PALLD: variants seen among roughly 807,000 people sequenced by gnomAD.
The protein encoded by PALLD is palladin.
Under a neutral mutation model 123.5 loss-of-function variants are expected in PALLD, and 61 were observed. That is an observed-to-expected ratio of 0.49 (90% CI 0.40 to 0.61). PALLD has a LOEUF of 0.61. PALLD is among the 20% of genes least tolerant of loss of function. The pLI, the probability that PALLD is intolerant of heterozygous loss-of-function variation, is 0.00. For missense variants in PALLD, 1,273 were observed against 1,377.0 expected (o/e 0.92, Z 1.20); for synonymous variants, 465 against 496.4 (o/e 0.94, Z 0.84).
At chr4:168,906,719 G>C (rs975927841) in intron 15 of PALLD, among the ~76,000 whole-genome samples, 16 of 152,048 alleles carry the variant, frequency 1.1e-4, no homozygotes, top group Admixed American at 9.2e-4. Flanking sequence ...AGAACTCTTG[G>C]GCTCAAGCAG....
chr4:168,615,710 G>A (rs1284975582), intron 2 of PALLD, among the ~76,000 whole-genome samples: 2 of 152,110 alleles, frequency 1.3e-5, no homozygotes, highest in Non-Finnish European at 2.9e-5. Context: ...AGCCAAGGGG[G>A]GTGCTTGTAA....
intron 10 of PALLD, among the ~76,000 whole-genome samples, chr4:168,759,040 G>A (rs961679709): frequency 6.0e-5 from 9 of 150,866 alleles, no homozygotes; most frequent in African/African-American, 1.7e-4. Context: ...TTAGCCAGGC[G>A]TGATAGCAGG....
intron 2 of PALLD, among the ~76,000 whole-genome samples, chr4:168,609,087 C>T (rs1290675031): frequency 6.6e-6 from 1 of 152,088 alleles, no homozygotes; most frequent in Non-Finnish European, 1.5e-5. Flanking sequence ...ATTTCAGCAG[C>T]AGGACTCAAA....
chr4:168,594,342 C>G (rs770063639), intron 2 of PALLD, among the ~76,000 whole-genome samples: 1 of 151,982 alleles, frequency 6.6e-6, no homozygotes, highest in Non-Finnish European at 1.5e-5. Context: ...TAAGCTTTAC[C>G]TTAGTCGCAA....
chr4:168,737,660 A>C (rs1787893481), intron 10 of PALLD, among the ~76,000 whole-genome samples: 2 of 152,130 alleles, frequency 1.3e-5, no homozygotes, highest in Non-Finnish European at 2.9e-5. Flanking sequence ...AAGGTGTGGC[A>C]GTTTTGTCAA....
At chr4:168,880,781 A>G (rs1173646780) in intron 10 of PALLD, among the ~76,000 whole-genome samples, 1 of 152,270 alleles carries the variant, frequency 6.6e-6, no homozygotes, top group African/African-American at 2.4e-5. Flanking sequence ...TTTGCCATAT[A>G]TATCAAGTAC....
At chr4:168,504,182 T>C (rs1177031704) in intron 1 of PALLD, among the ~76,000 whole-genome samples, 1 of 152,174 alleles carries the variant, frequency 6.6e-6, no homozygotes, top group African/African-American at 2.4e-5. Context: ...TTCAACTTAC[T>C]ATTCCAGGAA....
chr4:168,753,815 G>A (rs115972739), intron 10 of PALLD, among the ~76,000 whole-genome samples: 1,899 of 152,240 alleles, frequency 0.012, 39 homozygotes, highest in African/African-American at 0.043. Flanking sequence ...AGCTGACTGC[G>A]GCCTTGGTCA....
intron 10 of PALLD, among the ~76,000 whole-genome samples, chr4:168,748,202 G>A (rs373197875): frequency 9.2e-5 from 14 of 152,172 alleles, no homozygotes; most frequent in African/African-American, 3.4e-4. Flanking sequence ...ACATCAATGG[G>A]TCTAAAACTG....
At chr4:168,864,786 ATTC>A (rs959798969) in intron 10 of PALLD, among the ~76,000 whole-genome samples, 30 of 152,346 alleles carry the variant, frequency 2.0e-4, no homozygotes, top group South Asian at 1.2e-3. Flanking sequence ...ACTATAAAGT[ATTC>A]TTCTTTTGAA....
At chr4:168,626,543 T>A (rs1775312605) in intron 2 of PALLD, among the ~76,000 whole-genome samples, 1 of 150,862 alleles carries the variant, frequency 6.6e-6, no homozygotes, top group African/African-American at 2.4e-5. Flanking sequence ...AACCCATGCC[T>A]CTATTAAAAC....
intron 17 of PALLD, among the ~76,000 whole-genome samples, chr4:168,919,349 C>G (rs1175786125): frequency 2.6e-5 from 4 of 151,906 alleles, no homozygotes; most frequent in African/African-American, 9.7e-5. Flanking sequence ...CATGGTGAAA[C>G]CCCGTCTCTA....
chr4:168,871,762 C>T lies in PALLD; in HGVS notation c.1965-19160C>T, dbSNP rs551886697. Among the ~76,000 whole-genome samples the T allele has an allele frequency of 3.3e-5, 5 of 152,296 alleles. No homozygotes were observed. In the East Asian group the frequency reaches 9.6e-4, roughly 29 times the overall value. ...CCCCAAAAAGAGGCTGGGACTGAAG[C>T]GCCAGCATTCTGTGTTAGATTCCTC... is the stretch of plus-strand genomic sequence containing the variant. On this transcript the variant is annotated intron_variant, in intron 10 of 21. Coordinates refer to ENST00000505667, the MANE Select transcript of PALLD (RefSeq NM_001166108.2).
chr4:168,745,427 A>AG (rs1003330053), intron 10 of PALLD, among the ~76,000 whole-genome samples: 2 of 91,620 alleles, frequency 2.2e-5, no homozygotes, highest in South Asian at 3.7e-4. Flanking sequence ...GTGAGATGGG[A>AG]GGGGGGGGCA....
intron 10 of PALLD, among the ~76,000 whole-genome samples, chr4:168,761,513 T>C (rs1045795207): frequency 1.6e-4 from 24 of 152,112 alleles, no homozygotes; most frequent in African/African-American, 4.8e-4. Flanking sequence ...CAGGCTGGAG[T>C]GCCATGGTGC....
In PALLD at chr4:168,560,600, G is replaced by A. The variant is rs557363505; in HGVS notation, c.908+48188G>A. Among the ~76,000 whole-genome samples, 12 of 152,276 alleles carry A rather than the reference G, an allele frequency of 7.9e-5. No homozygotes were observed. The South Asian group carries it at 2.5e-3, about 32-fold the overall frequency. On this transcript the variant is annotated intron_variant, in intron 2 of 21. Coordinates refer to ENST00000505667, the MANE Select transcript of PALLD (RefSeq NM_001166108.2). ...CCTAAAATGATTTAAGTGATTCATA[G>A]CACTTTCCCAAGCAGTCTCTGTCCC...
chr4:168,563,284 G>A (rs1013018494), intron 2 of PALLD, among the ~76,000 whole-genome samples: 1 of 152,188 alleles, frequency 6.6e-6, no homozygotes, highest in Non-Finnish European at 1.5e-5. Flanking sequence ...GAGCTCGGGG[G>A]AAAGGGATCA....
At chr4:168,673,890 G>C (rs74287183) in intron 3 of PALLD, among the ~76,000 whole-genome samples, 2 of 69,400 alleles carry the variant, frequency 2.9e-5, no homozygotes, top group Non-Finnish European at 4.8e-5. Flanking sequence ...TGAACGTGCT[G>C]TGTGTGTGTG....
At chr4:168,712,232 AG>A (rs1784902553) in intron 10 of PALLD, 3 of 468,808 alleles carry the variant, frequency 6.4e-6, no homozygotes, top group Non-Finnish European at 1.2e-5. Context: ...GCCATGGAAA[AG>A]GGGGATCTAC....
Sources: gnomAD v4.1 joint callset for allele counts (sites outside exome capture counted in the v4.1 genomes callset) on GRCh38, gnomAD v4.1.1 for gene constraint, MANE v1.5 for transcripts, NCBI Gene and HGNC (gene_info 2026-07-23, HGNC 2026-07-21) for gene names.